MEGF10: variants seen among roughly 807,000 people sequenced by gnomAD.
MEGF10 encodes multiple EGF like domains 10, also known as multiple epidermal growth factor-like domains protein 10.
MEGF10 carries 86 observed loss-of-function variants against 147.5 expected under a neutral mutation model. That is an observed-to-expected ratio of 0.58 (90% CI 0.49 to 0.70). The LOEUF (loss-of-function observed/expected upper bound fraction) is 0.70, where lower values mean the gene tolerates loss of function less well. MEGF10 is among the 30% of genes least tolerant of loss of function. The pLI, the probability that MEGF10 is intolerant of heterozygous loss-of-function variation, is 0.00. For synonymous variants in MEGF10, 478 were observed against 525.5 expected (o/e 0.91, Z 1.24); for missense variants, 1,329 against 1,487.3 (o/e 0.89, Z 1.75).
chr5:127,372,752 C>T lies in MEGF10; in HGVS notation c.412+2750C>T, dbSNP rs183443338. Among the ~76,000 whole-genome samples, 40 of 152,314 alleles carry T rather than the reference C, an allele frequency of 2.6e-4. 1 individual carries two copies. In the East Asian group the frequency reaches 6.4e-3, roughly 24 times the overall value. ...TGAAGAGAATACCAGAATTGAAGTG[C>T]TCTTTCTCTTCACATGATATCATGA... On this transcript the variant is annotated intron_variant, in intron 5 of 24. Transcript: ENST00000503335.
the MEGF10 span, among the ~76,000 whole-genome samples, chr5:127,284,745 AT>A: frequency 1.3e-5 from 2 of 152,112 alleles, no homozygotes; most frequent in African/African-American, 4.8e-5. Context: ...CCCCACTTCT[AT>A]TTTTTTAAGT....
At chr5:127,244,281 G>T in the MEGF10 span, among the ~76,000 whole-genome samples, 1 of 148,834 alleles carries the variant, frequency 6.7e-6, no homozygotes, top group South Asian at 2.1e-4. Flanking sequence ...CAAGAGGCAG[G>T]AAAGATGAAA....
chr5:127,274,585 T>G, the MEGF10 span, among the ~76,000 whole-genome samples: 1 of 152,132 alleles, frequency 6.6e-6, no homozygotes, highest in Non-Finnish European at 1.5e-5. Flanking sequence ...AATTTTGATA[T>G]ATTTTAAAAC....
At chr5:127,449,368 G>A in intron 22 of MEGF10, 146 bp downstream of exon 22, 1 of 1,050,318 alleles carries the variant, frequency 9.5e-7, no homozygotes, top group South Asian at 1.7e-5. Context: ...ACCTGTACAG[G>A]GCTATCTACT....
the MEGF10 span, among the ~76,000 whole-genome samples, chr5:127,253,990 T>C: frequency 1.3e-5 from 2 of 152,180 alleles, no homozygotes; most frequent in Non-Finnish European, 2.9e-5. Flanking sequence ...ATTCACTTTA[T>C]GCTGAGTTCT....
the MEGF10 span, among the ~76,000 whole-genome samples, chr5:127,237,265 T>G: frequency 6.6e-6 from 1 of 152,222 alleles, no homozygotes; most frequent in East Asian, 1.9e-4. Context: ...GAGGCCAAGG[T>G]GGGTAGATCA....
chr5:127,243,879 G>C, the MEGF10 span, among the ~76,000 whole-genome samples: 2 of 152,026 alleles, frequency 1.3e-5, no homozygotes, highest in Non-Finnish European at 2.9e-5. Context: ...AATATGTCTT[G>C]AAAATGAAGA....
At chr5:127,282,368 G>A in the MEGF10 span, among the ~76,000 whole-genome samples, 1 of 152,282 alleles carries the variant, frequency 6.6e-6, no homozygotes, top group East Asian at 1.9e-4. Context: ...TGGTGGTGTC[G>A]AAGTTGGTTT....
At chr5:127,381,442 G>A (rs1580790637) in intron 5 of MEGF10, among the ~76,000 whole-genome samples, 1 of 152,088 alleles carries the variant, frequency 6.6e-6, no homozygotes, top group African/African-American at 2.4e-5. Flanking sequence ...ACCATTTTCT[G>A]ACTGTACCAA....
Position 127,402,624 on chromosome 5 carries a change from G to A in MEGF10, c.859G>A (p.Gly287Arg). Reference protein sequence around the residue: ...CSQECQCHNGGTCDAATGQCH... With the variant: ...CSQECQCHNGRTCDAATGQCH... ...CCAAGAATGCCAGTGCCATAATGGAGGGACGTGTGATGCTGCCACAGGCCA... is the reference window on the plus strand; with the variant it reads ...CCAAGAATGCCAGTGCCATAATGGAAGGACGTGTGATGCTGCCACAGGCCA... Residue 287 changes from glycine (G) to arginine (R), a missense_variant, in exon 8 of 25, where the codon GGG becomes AGG. By Grantham distance (125) the Gly-to-Arg change is moderately radical. This residue lies in a region of MEGF10 where 980 missense variants were observed against 1,085.9 expected (regional missense o/e 0.90). Transcript: ENST00000503335. 1 of 1,614,154 alleles carries A rather than the reference G, an allele frequency of 6.2e-7. No individual in the cohort carries two copies. The highest frequency in any genetic ancestry group is 1.7e-4 in the Middle Eastern group (1 of 6,060).
chr5:127,246,275 G>T, the MEGF10 span, among the ~76,000 whole-genome samples: 1 of 151,858 alleles, frequency 6.6e-6, no homozygotes, highest in African/African-American at 2.4e-5. Context: ...CTATGCAGCC[G>T]TAAGAAGAAT....
rs533979647 is a variant in MEGF10, at chr5:127,458,488, G to A, written c.*1170G>A. On this transcript the variant is annotated 3_prime_UTR_variant, in exon 25 of 25. Transcript: ENST00000503335. ...GCATATTCTATGTTTTGTAGTGTTT[G>A]GATTGTTAATGAAAAAATATTATAT... The A allele has an allele frequency of 2.2e-4, 33 of 151,990 alleles. No homozygotes were observed. The highest frequency in any genetic ancestry group is 4.1e-4 in the Non-Finnish European group (28 of 67,994). The allele number at this position is 151,990 out of a possible 1,614,324, so 9.4% of individuals were successfully genotyped here.
At chr5:127,361,339 TA>T (rs1172043282) in intron 4 of MEGF10, among the ~76,000 whole-genome samples, 1 of 151,886 alleles carries the variant, frequency 6.6e-6, no homozygotes. Flanking sequence ...CATTTACCTG[TA>T]AAAAAATCTA....
In MEGF10 at chr5:127,449,134, T is replaced by C. The variant is rs376690442; in HGVS notation, c.2892T>C (p.Asn964=). ...KNNQLFVNLK[N]VNPGKRGPVG... is the part of the protein sequence containing the mutation. ...ATCAACTGTTTGTGAATCTTAAAAA[T>C]GTGAACCCTGGGAAGAGAGGCCCTG... The change falls in exon 22 of 25, where the codon AAT becomes AAC. Residue 964 remains asparagine, a synonymous_variant. Transcript: ENST00000503335. 90 of 1,614,058 alleles carry C rather than the reference T, an allele frequency of 5.6e-5. No homozygotes were observed. The highest frequency in any genetic ancestry group is 3.3e-4 in the Middle Eastern group (2 of 6,080).
intron 5 of MEGF10, 150 bp downstream of exon 5, chr5:127,370,152 T>C: frequency 1.8e-6 from 1 of 553,710 alleles, no homozygotes; most frequent in South Asian, 2.7e-5. Flanking sequence ...ACAGTTTCTT[T>C]TAAATCTGTA....
At chr5:127,383,711 G>T (rs1430465205) in intron 5 of MEGF10, among the ~76,000 whole-genome samples, 1 of 151,812 alleles carries the variant, frequency 6.6e-6, no homozygotes, top group Non-Finnish European at 1.5e-5. Context: ...GAGTCAGATA[G>T]GACTTTATCT....
At chr5:127,365,538 G>A (rs1762620906) in intron 4 of MEGF10, among the ~76,000 whole-genome samples, 2 of 152,204 alleles carry the variant, frequency 1.3e-5, no homozygotes, top group South Asian at 2.1e-4. Context: ...TCATGTCAGT[G>A]CCCACCTGTC....
chr5:127,362,831 GT>G (rs1428070795), intron 4 of MEGF10, among the ~76,000 whole-genome samples: 3 of 151,936 alleles, frequency 2.0e-5, no homozygotes, highest in Non-Finnish European at 4.4e-5. Context: ...TTCTTGTCCT[GT>G]TTTTTGTTCT....
rs553024715 is a variant in MEGF10 at position 127,422,740 on chromosome 5, C to T, written c.1661C>T (p.Thr554Met). 17 of 1,614,110 alleles carry T rather than the reference C, an allele frequency of 1.1e-5. No individual in the cohort carries two copies. Among genetic ancestry groups the T allele is most frequent in the Middle Eastern group, 1.6e-4 (1 of 6,062 alleles). Reference sequence around the variant, plus strand: ...CACGCAGATGGCTGCCACCCTACCACGGGCCATTGCCGCTGCCTCCCCGGA... The same window carrying T: ...CACGCAGATGGCTGCCACCCTACCATGGGCCATTGCCGCTGCCTCCCCGGA... The part of the protein sequence containing the change: ...CSHADGCHPT[T>M]GHCRCLPGWS... Residue 554 changes from threonine (T) to methionine (M), a missense_variant, in exon 13 of 25, where the codon ACG becomes ATG. Physicochemically the swap from Thr to Met is moderately conservative, Grantham distance 81 (BLOSUM62 -1). Coordinates refer to ENST00000503335, the MANE Select transcript of MEGF10 (RefSeq NM_001256545.2).
Sources: allele counts gnomAD v4.1 joint callset (sites outside exome capture counted in the v4.1 genomes callset), GRCh38; gene constraint gnomAD v4.1.1; regional missense constraint gnomAD v4.1.1; transcripts MANE v1.5; gene names NCBI Gene and HGNC (gene_info 2026-07-23, HGNC 2026-07-21).